The following UGT2A2 variants were observed in gnomAD, a reference collection of about 807,000 sequenced individuals.
The protein encoded by UGT2A2 is UDP glucuronosyltransferase family 2 member A2.
UGT2A2 carries 60 observed loss-of-function variants against 50.7 expected under a neutral mutation model. The observed-to-expected ratio is 1.18, with a 90% CI of 0.96 to 1.47. UGT2A2 has a LOEUF of 1.47. UGT2A2 is among the 40% of genes most tolerant of loss of function. The pLI is 0.00. For synonymous variants in UGT2A2, 242 were observed against 214.6 expected, an observed-to-expected ratio of 1.13 and a Z score of -1.11; for missense variants, 762 against 634.0, an observed-to-expected ratio of 1.20 and a Z score of -2.17.
chr4:69,604,559 C>T lies in UGT2A2; in HGVS notation c.743-5165G>A, dbSNP rs1463017865. ...AACATCATAATGACAGGATCAAGTT[C>T]ACACATAAGAATATTAACCTTAAAC... On this transcript the variant is annotated intron_variant, in intron 1 of 5. Coordinates refer to ENST00000604629, the MANE Select transcript of UGT2A2 (RefSeq NM_001105677.2). Among the ~76,000 whole-genome samples, 4 of 136,278 alleles carry T rather than the reference C, an allele frequency of 2.9e-5. 1 individual carries two copies. The highest frequency in any genetic ancestry group is 6.2e-5 in the Non-Finnish European group (4 of 64,182). The allele number at this position is 136,278 out of a possible 152,430, so 89.4% of individuals were successfully genotyped here.
At chr4:69,620,147 A>G (rs913346544) in intron 1 of UGT2A2, among the ~76,000 whole-genome samples, 2 of 152,048 alleles carry the variant, frequency 1.3e-5, no homozygotes, top group African/African-American at 4.8e-5. Context: ...ATCAGGCAAG[A>G]GAAAGAAATA....
intron 1 of UGT2A2, among the ~76,000 whole-genome samples, chr4:69,617,532 A>G (rs565751603): frequency 3.7e-4 from 57 of 152,068 alleles, no homozygotes; most frequent in African/African-American, 1.3e-3. Context: ...GAAATATTGT[A>G]GCCATTCTCT....
In UGT2A2 at chr4:69,599,281, C is replaced by T; in HGVS notation, c.856G>A (p.Gly286Arg). Residue 286 changes from glycine (G) to arginine (R), a missense_variant, in exon 2 of 6, where the codon GGA becomes AGA. Coordinates refer to ENST00000604629, the MANE Select transcript of UGT2A2 (RefSeq NM_001105677.2). ...GGTTTGGCAGGTTTGCAGTGCAATC[C>T]TCCAACAAACTCAAAATTAGGTAAG... ...PYLPNFEFVG[G>R]LHCKPAKPLP... is the part of the protein sequence containing the mutation. 1.2e-6 allele frequency: 2 copies of T among 1,613,702 alleles called. No individual in the cohort carries two copies. The highest frequency in any genetic ancestry group is 1.3e-5 in the African/African-American group (1 of 75,028).
At chr4:69,623,131 T>C (rs10903210) in intron 1 of UGT2A2, among the ~76,000 whole-genome samples, 53,321 of 151,656 alleles carry the variant, frequency 0.35, 9,734 homozygotes, top group African/African-American at 0.43. Context: ...TCCACACTTC[T>C]CAATTGTTGA....
chr4:69,612,714 AT>A (rs1374799808), intron 1 of UGT2A2, among the ~76,000 whole-genome samples: 1 of 152,036 alleles, frequency 6.6e-6, no homozygotes. Flanking sequence ...AATTTACCCT[AT>A]AAAAACATTA....
chr4:69,621,956 T>G (rs1720780946), intron 1 of UGT2A2, among the ~76,000 whole-genome samples: 1 of 151,734 alleles, frequency 6.6e-6, no homozygotes, highest in Non-Finnish European at 1.5e-5. Flanking sequence ...AGCTAAATGA[T>G]GAGAACTCAT....
chr4:69,627,394 T>C (rs1007623425), intron 1 of UGT2A2, among the ~76,000 whole-genome samples: 5 of 151,932 alleles, frequency 3.3e-5, no homozygotes, highest in Admixed American at 6.6e-5. Flanking sequence ...TAGATTCATA[T>C]GATTTTATGC....
At chr4:69,610,218 A>G (rs1194147394) in intron 1 of UGT2A2, among the ~76,000 whole-genome samples, 1 of 150,352 alleles carries the variant, frequency 6.7e-6, no homozygotes, top group African/African-American at 2.5e-5. Context: ...TCATGAGTCA[A>G]TCTTGCATTG....
chr4:69,608,861 A>C (rs1719849042), intron 1 of UGT2A2, among the ~76,000 whole-genome samples: 1 of 152,114 alleles, frequency 6.6e-6, no homozygotes, highest in African/African-American at 2.4e-5. Flanking sequence ...ATGTCCAGTA[A>C]TTTTTGTAAA....
chr4:69,621,048 C>A (rs1417800303), intron 1 of UGT2A2, among the ~76,000 whole-genome samples: 1 of 151,918 alleles, frequency 6.6e-6, no homozygotes. Context: ...CTATAGAAAC[C>A]TAGAAGACAA....
intron 5 of UGT2A2, among the ~76,000 whole-genome samples, chr4:69,593,418 C>T (rs905691592): frequency 8.6e-5 from 13 of 151,574 alleles, no homozygotes; most frequent in African/African-American, 3.1e-4. Context: ...CTATAAGTAG[C>T]TAAAATTAAA....
Position 69,594,610 on chromosome 4 carries a change from C to A in UGT2A2, c.1198G>T (p.Val400Phe), listed in dbSNP as rs4148304. 2 of 1,613,994 alleles carry A rather than the reference C, an allele frequency of 1.2e-6. No individual in the cohort carries two copies. Among genetic ancestry groups the A allele is most frequent in the South Asian group, 2.2e-5 (2 of 91,078 alleles). The change falls in exon 5 of 6, where the codon GTT becomes TTT. Residue 400 changes from valine to phenylalanine, a missense_variant. By Grantham distance (50) the Val-to-Phe change is conservative. Transcript: ENST00000604629. ...AIYHGVPMVG[V>F]PMFADQPDNI... Reference sequence around the variant, plus strand: ...TCAGGCTGATCAGCAAACATGGGAACTCCCACCATAGGGACTCCGTGGTAA... The same window carrying A: ...TCAGGCTGATCAGCAAACATGGGAAATCCCACCATAGGGACTCCGTGGTAA...
chr4:69,600,748 G>A (rs1055864238), intron 1 of UGT2A2, among the ~76,000 whole-genome samples: 2 of 151,960 alleles, frequency 1.3e-5, no homozygotes, highest in South Asian at 2.1e-4. Context: ...AGAGCAGCAG[G>A]TTGTTTTGCA....
intron 1 of UGT2A2, among the ~76,000 whole-genome samples, chr4:69,637,121 A>C (rs1177689707): frequency 1.3e-5 from 2 of 152,196 alleles, no homozygotes; most frequent in Non-Finnish European, 2.9e-5. Flanking sequence ...AATTAAAAGA[A>C]AAATGTGGTT....
intron 1 of UGT2A2, among the ~76,000 whole-genome samples, chr4:69,634,755 G>A (rs1721582788): frequency 6.6e-6 from 1 of 152,036 alleles, no homozygotes; most frequent in Non-Finnish European, 1.5e-5. Context: ...AAAAGAAAAA[G>A]GGAGATTCCT....
In UGT2A2 at chr4:69,639,067, A is replaced by T; in HGVS notation, c.574T>A (p.Cys192Ser). 1 of 1,613,478 alleles carries T rather than the reference A, an allele frequency of 6.2e-7. No individual in the cohort carries two copies. The highest frequency in any genetic ancestry group is 8.5e-7 in the Non-Finnish European group (1 of 1,179,656). The change falls in exon 1 of 6, where the codon TGT (cysteine) becomes AGT (serine). Residue 192 changes from cysteine (C) to serine (S), a missense_variant. Cys to Ser is a moderately radical substitution (Grantham distance 112). Transcript: ENST00000604629. The part of the protein sequence containing the change: ...FSPASTVERH[C>S]GKIPAPVSYV... The stretch of plus-strand genomic sequence containing the variant: ...GAGACTGGTGCTGGGATTTTCCCAC[A>T]GTGTCTCTCCACTGTTGATGCTGGA...
chr4:69,600,072 C>A (rs1327808032), intron 1 of UGT2A2, among the ~76,000 whole-genome samples: 1 of 152,022 alleles, frequency 6.6e-6, no homozygotes, highest in African/African-American at 2.4e-5. Flanking sequence ...AACCATAAAC[C>A]CTTTGAAAAA....
At chr4:69,626,861 C>A (rs13129549) in intron 1 of UGT2A2, among the ~76,000 whole-genome samples, 119,209 of 151,504 alleles carry the variant, frequency 0.79, 47,036 homozygotes, top group South Asian at 0.85. Context: ...GATTTTGGAA[C>A]CTTCTTCACA....
At chr4:69,610,877 C>T (rs1432336) in intron 1 of UGT2A2, among the ~76,000 whole-genome samples, 21,833 of 152,168 alleles carry the variant, frequency 0.14, 1,756 homozygotes, top group Non-Finnish European at 0.18. Flanking sequence ...ACTGCTACAG[C>T]TACACACCAC....
Sources: allele counts gnomAD v4.1 joint callset (sites outside exome capture counted in the v4.1 genomes callset), GRCh38; gene constraint gnomAD v4.1.1; transcripts MANE v1.5; gene names NCBI Gene and HGNC (gene_info 2026-07-23, HGNC 2026-07-21).